Variants in TTLL5 observed in about 807,000 individuals in gnomAD.
The protein encoded by TTLL5 is tubulin tyrosine ligase like 5, also known as tubulin polyglutamylase TTLL5.
A neutral mutation model predicts 168.4 loss-of-function variants in TTLL5; 132 were observed. That is an observed-to-expected ratio of 0.78 (90% CI 0.68 to 0.91). TTLL5 has a LOEUF of 0.91. Among genes scored for constraint, TTLL5 ranks in the 40% least tolerant of loss-of-function variants. The pLI is 0.00. For missense variants in TTLL5, 1,545 were observed against 1,581.5 expected (o/e 0.98, Z 0.39); for synonymous variants, 546 against 558.6 (o/e 0.98, Z 0.32).
intron 30 of TTLL5, among the ~76,000 whole-genome samples, chr14:75,888,461 A>G (rs1387874582): frequency 6.6e-6 from 1 of 152,078 alleles, no homozygotes; most frequent in Non-Finnish European, 1.5e-5. Flanking sequence ...GAGTATGAAA[A>G]CGCTTTTTTA....
At chr14:75,782,199 AT>A (rs1892100164) in intron 24 of TTLL5, among the ~76,000 whole-genome samples, 1 of 151,960 alleles carries the variant, frequency 6.6e-6, no homozygotes, top group African/African-American at 2.4e-5. Flanking sequence ...ATTTTTCCAG[AT>A]AAGCCCTAGC....
At chr14:75,716,128 A>G (rs1887445138) in intron 9 of TTLL5, among the ~76,000 whole-genome samples, 1 of 152,158 alleles carries the variant, frequency 6.6e-6, no homozygotes, top group South Asian at 2.1e-4. Flanking sequence ...ACAGTCTGCA[A>G]CTTGCTTGGA....
chr14:75,946,411 GAGAT>G (rs1414710738), intron 31 of TTLL5, among the ~76,000 whole-genome samples: 1 of 152,226 alleles, frequency 6.6e-6, no homozygotes, highest in African/African-American at 2.4e-5. Context: ...AAAGTGGAAT[GAGAT>G]AGAGAATAAA....
intron 27 of TTLL5, among the ~76,000 whole-genome samples, chr14:75,813,019 T>C (rs1177142509): frequency 1.3e-5 from 2 of 152,030 alleles, no homozygotes; most frequent in African/African-American, 4.8e-5. Context: ...AACAACAAGA[T>C]TGGGAGAATT....
intron 31 of TTLL5, among the ~76,000 whole-genome samples, chr14:75,938,438 C>T (rs1218003626): frequency 6.6e-6 from 1 of 152,162 alleles, no homozygotes; most frequent in Admixed American, 6.5e-5. Context: ...CTCGGAGTCC[C>T]AGGATGGGAA....
At chr14:75,890,885 A>G (rs1034659285) in intron 30 of TTLL5, among the ~76,000 whole-genome samples, 7 of 151,920 alleles carry the variant, frequency 4.6e-5, no homozygotes, top group Admixed American at 2.0e-4. Context: ...AAGCCCAGCT[A>G]ATTTTTTGTA....
intron 31 of TTLL5, among the ~76,000 whole-genome samples, chr14:75,919,063 T>C (rs1389170674): frequency 6.6e-6 from 1 of 151,374 alleles, no homozygotes; most frequent in Non-Finnish European, 1.5e-5. Flanking sequence ...TAGCTGGGCA[T>C]GGTGGCACGT....
intron 30 of TTLL5, among the ~76,000 whole-genome samples, chr14:75,888,350 C>T (rs766733662): frequency 2.0e-5 from 3 of 152,212 alleles, no homozygotes; most frequent in Non-Finnish European, 4.4e-5. Context: ...AAATTAAAAT[C>T]CGACTTCTCA....
chr14:75,779,320 A>G (rs1891907875), intron 23 of TTLL5, among the ~76,000 whole-genome samples: 2 of 152,222 alleles, frequency 1.3e-5, no homozygotes, highest in South Asian at 4.1e-4. Context: ...ATAGTCACAT[A>G]TGACTGAGTA....
At chr14:75,683,502 G>C (rs1210569903) in intron 4 of TTLL5, 48 bp from the exon 5 acceptor site, 1 of 1,408,792 alleles carries the variant, frequency 7.1e-7, no homozygotes, top group African/African-American at 1.4e-5. Context: ...CTGGAGAAGG[G>C]GTATCTCTGA....
At chr14:75,709,941 G>A (rs1289244692) in intron 9 of TTLL5, 1 of 149,072 alleles carries the variant, frequency 6.7e-6, no homozygotes, top group African/African-American at 2.5e-5. Context: ...GCAAGGTTCT[G>A]AGGATTTTCA....
chr14:75,734,292 G>T (rs1471956010), intron 14 of TTLL5, among the ~76,000 whole-genome samples: 1 of 152,238 alleles, frequency 6.6e-6, no homozygotes, highest in Non-Finnish European at 1.5e-5. Flanking sequence ...CTGAGGAAGA[G>T]AATTAGCAAA....
chr14:75,870,266 T>TC lies in TTLL5; in HGVS notation c.3522+6404_3522+6405insC, dbSNP rs1319258131. Among the ~76,000 whole-genome samples the TC allele has an allele frequency of 8.6e-5, 13 of 151,136 alleles. No individual in the cohort carries two copies. The South Asian group carries it at 1.7e-3, about 20-fold the overall frequency. ...ACGTCATCCCAATTACCTCAATCTT[T>TC]TTTTTTTTTTTTTCCTTTTTCTGGA... On this transcript the variant is annotated intron_variant, in intron 29 of 31. Transcript: ENST00000298832.
At chr14:75,743,249 A>G (rs191538547) in intron 15 of TTLL5, among the ~76,000 whole-genome samples, 1 of 152,182 alleles carries the variant, frequency 6.6e-6, no homozygotes, top group Non-Finnish European at 1.5e-5. Flanking sequence ...CTCCCATGCT[A>G]GCTTTGGAGA....
At chr14:75,758,953 T>C (rs1187279195) in intron 18 of TTLL5, among the ~76,000 whole-genome samples, 2 of 152,160 alleles carry the variant, frequency 1.3e-5, no homozygotes, top group African/African-American at 2.4e-5. Context: ...ACTGTTCTAA[T>C]GTTTGTTTTA....
intron 28 of TTLL5, among the ~76,000 whole-genome samples, chr14:75,845,995 G>A (rs912633885): frequency 6.6e-6 from 1 of 152,160 alleles, no homozygotes; most frequent in African/African-American, 2.4e-5. Flanking sequence ...TTAGGGGCTG[G>A]TGCGATAGAG....
chr14:75,892,620 T>TC (rs925017930), intron 30 of TTLL5, among the ~76,000 whole-genome samples: 5 of 152,074 alleles, frequency 3.3e-5, no homozygotes, highest in Non-Finnish European at 7.4e-5. Context: ...CGCAGAACAG[T>TC]CCCTCACTAC....
At chr14:75,895,375 G>A (rs1450106971) in intron 30 of TTLL5, among the ~76,000 whole-genome samples, 1 of 152,064 alleles carries the variant, frequency 6.6e-6, no homozygotes, top group African/African-American at 2.4e-5. Flanking sequence ...GCACTCAATG[G>A]TATTCGAGTA....
chr14:75,949,850 CA>C (rs918178259), intron 31 of TTLL5, among the ~76,000 whole-genome samples: 1 of 120,682 alleles, frequency 8.3e-6, no homozygotes, highest in African/African-American at 3.1e-5. Flanking sequence ...ACTCTGTCTC[CA>C]AAAAAAAAGA....
Sources: gnomAD v4.1 joint callset for allele counts (sites outside exome capture counted in the v4.1 genomes callset) on GRCh38, gnomAD v4.1.1 for gene constraint, MANE v1.5 for transcripts, NCBI Gene and HGNC (gene_info 2026-07-23, HGNC 2026-07-21) for gene names.